The following VPS37D variants were observed in gnomAD, a reference collection of about 807,000 sequenced individuals.
The protein encoded by VPS37D is vacuolar protein sorting-associated protein 37D.
Under a neutral mutation model 22.0 loss-of-function variants are expected in VPS37D, and 5 were observed. The observed-to-expected ratio is 0.23, with a 90% confidence interval of 0.12 to 0.48. The LOEUF (loss-of-function observed/expected upper bound fraction) is 0.48. VPS37D is among the 20% of genes least tolerant of loss of function. The probability of loss-of-function intolerance (pLI) is 0.99; values close to 1 mark genes in which losing one functional copy is unlikely to be tolerated. For missense variants in VPS37D, 384 were observed against 345.8 expected, an observed-to-expected ratio of 1.11 and a Z score of -0.88; for synonymous variants, 174 against 159.3, an observed-to-expected ratio of 1.09 and a Z score of -0.69.
At chr7:73,669,744 T>TGG (rs1797463927) in intron 2 of VPS37D, among the ~76,000 whole-genome samples, 154 bp downstream of exon 2, 1 of 27,312 alleles carries the variant, frequency 3.7e-5, no homozygotes, top group African/African-American at 1.5e-4. Context: ...TGAGAGGAAG[T>TGG]GGGGAGGGTT....
Position 73,669,479 on chromosome 7 carries a change from G to A in VPS37D, c.199G>A (p.Glu67Lys). The A allele has an allele frequency of 5.1e-6, 8 of 1,583,242 alleles. No individual in the cohort carries two copies. Among genetic ancestry groups the A allele is most frequent in the Non-Finnish European group, 6.9e-6 (8 of 1,165,216 alleles). The change falls in exon 2 of 4, where the codon GAG (glutamate) becomes AAG (lysine). Residue 67 changes from glutamate (E) to lysine (K), a missense_variant. Glu to Lys is a moderately conservative substitution (Grantham distance 56). Transcript: ENST00000324941. ...CLASNYALAK[E>K]NLALRPRLEM... is the part of the protein sequence containing the mutation. The stretch of plus-strand genomic sequence containing the variant: ...GGCCTCCAACTACGCGCTGGCCAAG[G>A]AGAACCTGGCCCTGCGGCCCCGCCT...
upstream of VPS37D, among the ~76,000 whole-genome samples, chr7:73,667,176 A>G (rs1554608811): frequency 1.3e-5 from 2 of 151,450 alleles, no homozygotes; most frequent in African/African-American, 2.4e-5. Flanking sequence ...GGGTTTCACC[A>G]TGTTAGCCAG....
At chr7:73,669,803 G>A (rs1313254404) in intron 2 of VPS37D, among the ~76,000 whole-genome samples, 1 of 152,196 alleles carries the variant, frequency 6.6e-6, no homozygotes, top group African/African-American at 2.4e-5. Context: ...GAGATGCTGA[G>A]GGGGACAAAG....
At chr7:73,669,164 C>T (rs782440653) in intron 1 of VPS37D, among the ~76,000 whole-genome samples, 4 of 143,922 alleles carry the variant, frequency 2.8e-5, no homozygotes, top group African/African-American at 7.3e-5. Flanking sequence ...CTCTCAACAA[C>T]CCCATAAGGT....
intron 1 of VPS37D, among the ~76,000 whole-genome samples, chr7:73,668,981 AC>A (rs781853999): frequency 1.3e-5 from 2 of 151,886 alleles, no homozygotes; most frequent in African/African-American, 2.4e-5. Flanking sequence ...TTCGGTGCAA[AC>A]ACCTGAGGAG....
At chr7:73,666,766 A>G (rs1797381420), upstream of VPS37D, among the ~76,000 whole-genome samples, 1 of 151,860 alleles carries the variant, frequency 6.6e-6, no homozygotes, top group Non-Finnish European at 1.5e-5. Flanking sequence ...TCATTATAAC[A>G]TTGCTAGCCA....
intron 1 of VPS37D, among the ~76,000 whole-genome samples, chr7:73,668,440 G>A (rs1456736063): frequency 6.6e-6 from 1 of 151,720 alleles, no homozygotes; most frequent in East Asian, 1.9e-4. Context: ...GAAAGAGGAG[G>A]CGCCTTCCAC....
At position 73,671,599 on chromosome 7, in the gene VPS37D, C is replaced by A. The variant is rs897933583; in HGVS notation, c.*223C>A. On this transcript the variant is annotated 3_prime_UTR_variant, in exon 4 of 4. Transcript: ENST00000324941. ...CTTTATGCCTCTGGCGCTGAAGACA[C>A]CCTGCCTTTTTTGTTTCCGTGCCCC... The A allele has an allele frequency of 3.8e-6, 1 of 262,752 alleles. No individual in the cohort carries two copies. Among genetic ancestry groups the A allele is most frequent in the Non-Finnish European group, 7.2e-6 (1 of 138,492 alleles). 16.3% of individuals were successfully genotyped at this position (262,752 alleles called of 1,614,324 possible).
intron 3 of VPS37D, 75 bp downstream of exon 3, chr7:73,670,177 A>C: frequency 6.5e-7 from 1 of 1,545,198 alleles, no homozygotes. Context: ...TCATTCTTAC[A>C]CCTCAGGCTG....
Position 73,669,469 on chromosome 7 carries a change from G to C in VPS37D, c.189G>C (p.Ala63=), listed in dbSNP as rs1554609270. The part of the protein sequence containing the change: ...EREACLASNY[A]LAKENLALRP... ...AGGCCTGCCTGGCCTCCAACTACGCGCTGGCCAAGGAGAACCTGGCCCTGC... is the reference window on the plus strand; with the variant it reads ...AGGCCTGCCTGGCCTCCAACTACGCCCTGGCCAAGGAGAACCTGGCCCTGC... Residue 63 remains alanine (A), a synonymous_variant, in exon 2 of 4, where the codon GCG becomes GCC. Transcript: ENST00000324941. 1 of 1,580,838 alleles carries C rather than the reference G, an allele frequency of 6.3e-7. No homozygotes were observed. The highest frequency in any genetic ancestry group is 8.6e-7 in the Non-Finnish European group (1 of 1,164,096).
intron 1 of VPS37D, 147 bp downstream of exon 1, chr7:73,668,243 C>A (rs1584193263): frequency 5.2e-6 from 2 of 382,660 alleles, no homozygotes; most frequent in East Asian, 1.3e-4. Flanking sequence ...CGCGGAGCCA[C>A]CCCCGGGGGA....
chr7:73,670,461 C>T (rs1161183720), intron 3 of VPS37D, among the ~76,000 whole-genome samples: 1 of 152,188 alleles, frequency 6.6e-6, no homozygotes, highest in African/African-American at 2.4e-5. Flanking sequence ...TATGTCCCTG[C>T]CTCTGCTCCT....
At position 73,668,109 on chromosome 7, in the gene VPS37D, G is replaced by T; in HGVS notation, c.138+13G>T. On this transcript the variant is annotated intron_variant, in intron 1 of 3. Coordinates refer to ENST00000324941, the MANE Select transcript of VPS37D (RefSeq NM_001077621.2). ...GCTCAGCAGGAAGGTAGCGCGGGGG[G>T]CTCGAGCGGGGGGCGCGGGGGACGG... 6.4e-6 allele frequency: 7 copies of T among 1,089,474 alleles called. No individual in the cohort carries two copies. Among genetic ancestry groups the T allele is most frequent in the Non-Finnish European group, 7.9e-6 (7 of 889,150 alleles). The allele number at this position is 1,089,474 out of a possible 1,614,324, so 67.5% of individuals were successfully genotyped here.
rs73362383 is a variant in VPS37D, at chr7:73,669,892, C to T, written c.311-128C>T. 3.3e-4 allele frequency: 492 copies of T among 1,468,996 alleles called. No homozygotes were observed. In the African/African-American group the frequency reaches 5.7e-3, roughly 17 times the overall value. 91.0% of individuals were successfully genotyped at this position (1,468,996 alleles called of 1,614,324 possible). Reference sequence around the variant, plus strand: ...GATCCACAAAGCGGTCACATGGGCACGGTACAGATGAGGAAACTGAGGCTC... The same window carrying T: ...GATCCACAAAGCGGTCACATGGGCATGGTACAGATGAGGAAACTGAGGCTC... On this transcript the variant is annotated intron_variant, in intron 2 of 3. Transcript: ENST00000324941.
At chr7:73,669,615 C>T in intron 2 of VPS37D, 25 bp downstream of exon 2, 5 of 1,568,518 alleles carry the variant, frequency 3.2e-6, no homozygotes, top group Non-Finnish European at 4.3e-6. Context: ...GGGAGAACCC[C>T]CTGGGGCTGG....
chr7:73,671,436 TCCTC>T lies in VPS37D; in HGVS notation c.*63_*66del. The T allele has an allele frequency of 1.0e-6, 1 of 1,003,046 alleles. No individual in the cohort carries two copies. Among genetic ancestry groups the T allele is most frequent in the Non-Finnish European group, 1.3e-6 (1 of 755,844 alleles). The allele number at this position is 1,003,046 out of a possible 1,614,324, so 62.1% of individuals were successfully genotyped here. ...GACAAACTTGATGCGTGGCTCCTCC[TCCTC>T]CCCCACTGCCTGGGTGGGGGGAGGG... is the stretch of plus-strand genomic sequence containing the variant. On this transcript the variant is annotated 3_prime_UTR_variant, in exon 4 of 4. Coordinates refer to ENST00000324941, the MANE Select transcript of VPS37D (RefSeq NM_001077621.2).
chr7:73,669,421 C>T lies in VPS37D; in HGVS notation c.141C>T (p.Phe47=). The change falls in exon 2 of 4, where the codon TTC becomes TTT. Residue 47 remains phenylalanine, a splice_region_variant and synonymous_variant. Transcript: ENST00000324941. ...TCTTAGCTCCTCTCTGCCCGCAGTTCCAGGGCCTGCAGCTGGAGCGTGAGG... is the reference window on the plus strand; with the variant it reads ...TCTTAGCTCCTCTCTGCCCGCAGTTTCAGGGCCTGCAGCTGGAGCGTGAGG... The part of the protein sequence containing the change: ...LDRIVRLSRK[F]QGLQLEREAC... 1 of 1,555,148 alleles carries T rather than the reference C, an allele frequency of 6.4e-7. No individual in the cohort carries two copies. The highest frequency in any genetic ancestry group is 8.7e-7 in the Non-Finnish European group (1 of 1,149,276).
chr7:73,667,096 G>C (rs960757453), upstream of VPS37D, among the ~76,000 whole-genome samples: 3 of 149,634 alleles, frequency 2.0e-5, no homozygotes, highest in African/African-American at 7.4e-5. Context: ...CCTCAGCCTC[G>C]CGAGTAGCTG....
At chr7:73,668,161 G>A (rs1797424671) in intron 1 of VPS37D, 65 bp downstream of exon 1, 3 of 1,004,546 alleles carry the variant, frequency 3.0e-6, no homozygotes, top group Non-Finnish European at 3.6e-6. Context: ...CCTGCCGCTC[G>A]AGGGAAGGGC....
Sources: allele counts gnomAD v4.1 joint callset (sites outside exome capture counted in the v4.1 genomes callset), GRCh38; gene constraint gnomAD v4.1.1; transcripts MANE v1.5; gene names NCBI Gene and HGNC (gene_info 2026-07-23, HGNC 2026-07-21).